The following TMEM87B variants were observed in gnomAD, a reference collection of about 807,000 sequenced individuals.
TMEM87B encodes the protein transmembrane protein 87B.
A neutral mutation model predicts 80.3 loss-of-function variants in TMEM87B; 83 were observed. The ratio of observed to expected loss-of-function variants is 1.03; its 90% CI spans 0.87 to 1.24. The LOEUF is 1.24. Ranked by LOEUF, TMEM87B falls within the 50% of genes most tolerant of loss-of-function variation. The probability of loss-of-function intolerance (pLI) is 0.00; values close to 1 mark genes in which losing one functional copy is unlikely to be tolerated. For missense variants in TMEM87B, 625 were observed against 674.4 expected, an observed-to-expected ratio of 0.93 and a Z score of 0.81; for synonymous variants, 219 against 230.5, an observed-to-expected ratio of 0.95 and a Z score of 0.45.
chr2:112,110,231 C>T (rs1679876215), intron 17 of TMEM87B, among the ~76,000 whole-genome samples: 1 of 152,172 alleles, frequency 6.6e-6, no homozygotes, highest in South Asian at 2.1e-4. Context: ...TTTCCTACCA[C>T]ACATTAAGAT....
At chr2:112,089,557 C>T in intron 9 of TMEM87B, 68 bp from the exon 10 acceptor site, 1 of 1,367,398 alleles carries the variant, frequency 7.3e-7, no homozygotes, top group Non-Finnish European at 1.0e-6. Context: ...GTGCCAGTTA[C>T]TGTATTCAGG....
chr2:112,076,506 A>C (rs888386451), intron 5 of TMEM87B, among the ~76,000 whole-genome samples: 2 of 151,822 alleles, frequency 1.3e-5, no homozygotes, highest in Non-Finnish European at 2.9e-5. Context: ...CACCCGGCTA[A>C]TTTTTGTATT....
intron 5 of TMEM87B, among the ~76,000 whole-genome samples, chr2:112,075,625 A>G (rs1407926045): frequency 6.6e-6 from 1 of 152,202 alleles, no homozygotes; most frequent in East Asian, 1.9e-4. Context: ...GTGGGAGGGA[A>G]ATTTTGGCAT....
chr2:112,078,340 T>C (rs1462539467), intron 6 of TMEM87B, among the ~76,000 whole-genome samples: 2 of 152,196 alleles, frequency 1.3e-5, no homozygotes, highest in Admixed American at 1.3e-4. Flanking sequence ...TGGTGTCTGC[T>C]TCCAAGATGG....
At position 112,055,879 on chromosome 2, in the gene TMEM87B, C is replaced by T. The variant is rs1419324713; in HGVS notation, c.165+123C>T. 3 of 1,246,856 alleles carry T rather than the reference C, an allele frequency of 2.4e-6. No individual in the cohort carries two copies. In the East Asian group the frequency reaches 9.4e-5, roughly 39 times the overall value. 77.2% of individuals were successfully genotyped at this position (1,246,856 alleles called of 1,614,324 possible). On this transcript the variant is annotated intron_variant, in intron 1 of 18. Coordinates refer to ENST00000283206, the MANE Select transcript of TMEM87B (RefSeq NM_032824.3). Reference sequence around the variant, plus strand: ...CGGGTCAGCACCGGGTCCCCTGATACCCTCCCTGAGCCTTTTGTCTGTTAC... The same window carrying T: ...CGGGTCAGCACCGGGTCCCCTGATATCCTCCCTGAGCCTTTTGTCTGTTAC...
At chr2:112,087,013 A>G (rs1228654017) in intron 9 of TMEM87B, among the ~76,000 whole-genome samples, 2 of 152,148 alleles carry the variant, frequency 1.3e-5, no homozygotes, top group Non-Finnish European at 2.9e-5. Flanking sequence ...TTTCTTTAAC[A>G]TGTCGGTGTC....
intron 17 of TMEM87B, among the ~76,000 whole-genome samples, chr2:112,110,673 G>C (rs1374399210): frequency 6.6e-6 from 1 of 152,144 alleles, no homozygotes; most frequent in Non-Finnish European, 1.5e-5. Context: ...TGATGGTATG[G>C]AGTAGGAGAG....
At chr2:112,101,002 A>G (rs530702475) in intron 15 of TMEM87B, among the ~76,000 whole-genome samples, 1 of 152,288 alleles carries the variant, frequency 6.6e-6, no homozygotes, top group Non-Finnish European at 1.5e-5. Flanking sequence ...GATGATTGCT[A>G]AGTTTCTTTG....
At chr2:112,085,958 CT>C in intron 8 of TMEM87B, 46 bp from the exon 9 acceptor site, 1 of 1,525,802 alleles carries the variant, frequency 6.6e-7, no homozygotes, top group Non-Finnish European at 9.0e-7. Flanking sequence ...GGTTGGCAGG[CT>C]TCCAGGTGTA....
At chr2:112,080,502 G>A (rs1047983743) in intron 6 of TMEM87B, among the ~76,000 whole-genome samples, 39 of 151,326 alleles carry the variant, frequency 2.6e-4, no homozygotes, top group South Asian at 8.4e-4. Context: ...CTCGTAATCC[G>A]CCCGCCTTGG....
chr2:112,061,381 C>T (rs569823999), intron 2 of TMEM87B, among the ~76,000 whole-genome samples: 2 of 152,330 alleles, frequency 1.3e-5, no homozygotes, highest in South Asian at 4.1e-4. Flanking sequence ...TTTCACACAA[C>T]AGATCATGCT....
intron 17 of TMEM87B, among the ~76,000 whole-genome samples, chr2:112,110,084 T>A (rs1363442808): frequency 3.9e-5 from 6 of 152,132 alleles, no homozygotes; most frequent in African/African-American, 1.4e-4. Flanking sequence ...ATTTTTGACA[T>A]TTTGGTCCAG....
chr2:112,109,858 C>T (rs1218249783), intron 17 of TMEM87B, among the ~76,000 whole-genome samples: 2 of 150,918 alleles, frequency 1.3e-5, no homozygotes, highest in African/African-American at 2.4e-5. Context: ...CCTCTGCCTC[C>T]CAAGTTCCAG....
chr2:112,097,803 T>C (rs530271419), intron 13 of TMEM87B, among the ~76,000 whole-genome samples: 12 of 151,978 alleles, frequency 7.9e-5, no homozygotes, highest in African/African-American at 2.9e-4. Flanking sequence ...TTATGCCCTT[T>C]TGTCAAGTTT....
chr2:112,088,021 G>A (rs979518843), intron 9 of TMEM87B, among the ~76,000 whole-genome samples: 5 of 152,250 alleles, frequency 3.3e-5, no homozygotes, highest in South Asian at 2.1e-4. Context: ...CCTGAGCTCC[G>A]GCCCCCGGGG....
chr2:112,059,923 A>C, intron 1 of TMEM87B, 54 bp from the exon 2 acceptor site: 1 of 1,575,414 alleles, frequency 6.3e-7, no homozygotes. Context: ...GGGGTAAAAC[A>C]GTTGCAAAAA....
rs778514391 is a variant in TMEM87B, at chr2:112,099,525, CATATATAT to C, written c.1376+851_1376+858del. 7.6e-4 allele frequency among the ~76,000 whole-genome samples: 93 copies of C among 122,794 alleles called. 2 individuals are homozygous for C. Among genetic ancestry groups the C allele is most frequent in the African/African-American group, 1.4e-3 (44 of 30,502 alleles). The allele number at this position is 122,794 out of a possible 152,430, so 80.6% of individuals were successfully genotyped here. ...TCCTTTTTAAAATTATACAATAATA[CATATATAT>C]ATATATATATATATATATATATACA... On this transcript the variant is annotated intron_variant, in intron 14 of 18. Transcript: ENST00000283206.
intron 9 of TMEM87B, 72 bp from the exon 10 acceptor site, chr2:112,089,553 G>A: frequency 7.5e-7 from 1 of 1,336,328 alleles, no homozygotes; most frequent in Non-Finnish European, 1.1e-6. Context: ...AATGGTGCCA[G>A]TTACTGTATT....
At position 112,109,830 on chromosome 2, in the gene TMEM87B, A is replaced by C. The variant is rs1265231917; in HGVS notation, c.1577+1990A>C. Among the ~76,000 whole-genome samples the C allele has an allele frequency of 4.3e-5, 6 of 139,796 alleles. No homozygotes were observed. In the South Asian group the frequency reaches 1.3e-3, roughly 31 times the overall value. 91.7% of individuals were successfully genotyped at this position (139,796 alleles called of 152,430 possible). ...AGGGTGGAGTGCAGTGCAGTGGCGT[A>C]ATCTCAGCTCACTGCAGCCTCTGCC... On this transcript the variant is annotated intron_variant, in intron 17 of 18. Transcript: ENST00000283206.
Sources: gnomAD v4.1 joint callset for allele counts (sites outside exome capture counted in the v4.1 genomes callset) on GRCh38, gnomAD v4.1.1 for gene constraint, MANE v1.5 for transcripts, NCBI Gene and HGNC (gene_info 2026-07-23, HGNC 2026-07-21) for gene names.